The following LRBA variants were observed in gnomAD, a reference collection of about 807,000 sequenced individuals.
LRBA encodes lipopolysaccharide-responsive and beige-like anchor protein.
LRBA carries 176 observed loss-of-function variants against 330.0 expected under a neutral mutation model. That is an observed-to-expected ratio of 0.53 (90% CI 0.47 to 0.60). The LOEUF (loss-of-function observed/expected upper bound fraction) is 0.60. LRBA is among the 20% of genes least tolerant of loss of function. LRBA has a pLI of 0.00. For synonymous variants in LRBA, 1,230 were observed against 1,193.0 expected (o/e 1.03, Z -0.64); for missense variants, 3,259 against 3,444.8 (o/e 0.95, Z 1.35).
At chr4:150,369,081 C>T (rs1739889703) in intron 47 of LRBA, among the ~76,000 whole-genome samples, 1 of 152,054 alleles carries the variant, frequency 6.6e-6, no homozygotes, top group Non-Finnish European at 1.5e-5. Flanking sequence ...TTATAAGACT[C>T]AATATTCCTA....
In LRBA at chr4:150,523,549, C is replaced by T. The variant is rs1369687552; in HGVS notation, c.6331-32514G>A. Among the ~76,000 whole-genome samples, 5 of 152,014 alleles carry T rather than the reference C, an allele frequency of 3.3e-5. No individual in the cohort carries two copies. The South Asian group carries it at 6.2e-4, about 19-fold the overall frequency. On this transcript the variant is annotated intron_variant, in intron 40 of 56. Transcript: ENST00000651943. ...TCTCAGGTATTTTGCTATACCAGCA[C>T]AAACAGACTAAGGCAGGTGAGAAAT...
chr4:150,363,416 T>C (rs1206938941), intron 47 of LRBA, among the ~76,000 whole-genome samples: 2 of 152,210 alleles, frequency 1.3e-5, no homozygotes, highest in African/African-American at 2.4e-5. Context: ...CTACACATAA[T>C]GTTAAATGCT....
At chr4:150,286,066 C>T (rs949184201) in intron 53 of LRBA, 32 bp from the exon 54 acceptor site, 2 of 1,401,372 alleles carry the variant, frequency 1.4e-6, no homozygotes, top group African/African-American at 2.9e-5. Context: ...AAGAACAAAT[C>T]AATTCAATTT....
At chr4:150,369,452 G>T (rs543998552) in intron 47 of LRBA, among the ~76,000 whole-genome samples, 1 of 152,212 alleles carries the variant, frequency 6.6e-6, no homozygotes, top group East Asian at 1.9e-4. Context: ...TGTTCAGAAT[G>T]CTTAGAAATT....
intron 44 of LRBA, among the ~76,000 whole-genome samples, chr4:150,458,088 C>T (rs1389573728): frequency 6.6e-6 from 1 of 151,772 alleles, no homozygotes; most frequent in Non-Finnish European, 1.5e-5. Context: ...TTGGAGGCTG[C>T]TTGAATTAAG....
At chr4:150,883,092 A>G (rs914189764) in intron 17 of LRBA, among the ~76,000 whole-genome samples, 1 of 151,890 alleles carries the variant, frequency 6.6e-6, no homozygotes, top group Non-Finnish European at 1.5e-5. Context: ...CTGTGCTTAC[A>G]CCCCCATTTA....
intron 47 of LRBA, among the ~76,000 whole-genome samples, chr4:150,366,543 T>G (rs986258087): frequency 1.3e-4 from 19 of 150,870 alleles, no homozygotes; most frequent in African/African-American, 4.4e-4. Context: ...CATGGAGGAG[T>G]GGGGGCTGGT....
chr4:150,752,960 C>T (rs890595417), intron 35 of LRBA, among the ~76,000 whole-genome samples: 1 of 152,126 alleles, frequency 6.6e-6, no homozygotes, highest in Admixed American at 6.5e-5. Context: ...AAATGGCTCT[C>T]CTGACTCTCC....
rs1741513936 is a variant in LRBA at position 150,800,871 on chromosome 4, G to A, written c.5519-2729C>T. On this transcript the variant is annotated intron_variant, in intron 33 of 56. Coordinates refer to ENST00000651943, the MANE Select transcript of LRBA (RefSeq NM_001364905.1). ...GGACAAACTCAGGATACCAAGCCAA[G>A]AGTTTTATATCTGCACTAATCTGGA... Among the ~76,000 whole-genome samples, 5 of 152,126 alleles carry A rather than the reference G, an allele frequency of 3.3e-5. No homozygotes were observed. In the South Asian group the frequency reaches 1.0e-3, roughly 32 times the overall value.
chr4:150,981,944 C>A (rs965787998), intron 2 of LRBA, among the ~76,000 whole-genome samples: 11 of 131,820 alleles, frequency 8.3e-5, no homozygotes, highest in East Asian at 2.1e-4. Context: ...GCCAGGGAGA[C>A]AGAGCAAGAC....
At chr4:150,994,902 A>T (rs1742475038) in intron 2 of LRBA, among the ~76,000 whole-genome samples, 1 of 152,232 alleles carries the variant, frequency 6.6e-6, no homozygotes, top group South Asian at 2.1e-4. Flanking sequence ...CACTGAAACC[A>T]GCCTCTCCCC....
chr4:150,846,387 G>A lies in LRBA; in HGVS notation c.4340-1608C>T, dbSNP rs185571718. On this transcript the variant is annotated intron_variant, in intron 26 of 56. Coordinates refer to ENST00000651943, the MANE Select transcript of LRBA (RefSeq NM_001364905.1). ...CTACTAAAAATGCAAAGAATTAGCC[G>A]GGTGTGGTGGGGCACACCTGTAGTC... Among the ~76,000 whole-genome samples the A allele has an allele frequency of 5.3e-5, 8 of 152,040 alleles. No homozygotes were observed. In the East Asian group the frequency reaches 5.8e-4, roughly 11 times the overall value.
chr4:150,636,690 C>T (rs1031692059), intron 37 of LRBA, among the ~76,000 whole-genome samples: 2 of 152,168 alleles, frequency 1.3e-5, no homozygotes, highest in East Asian at 1.9e-4. Context: ...ACTTTATTGC[C>T]CAGCTGGAGT....
At chr4:150,452,782 G>C (rs1487052625) in intron 44 of LRBA, among the ~76,000 whole-genome samples, 1 of 152,148 alleles carries the variant, frequency 6.6e-6, no homozygotes, top group Non-Finnish European at 1.5e-5. Flanking sequence ...AGTGCAGTAA[G>C]TCTTCATTTC....
intron 5 of LRBA, 136 bp from the exon 6 acceptor site, chr4:150,916,874 C>T: frequency 1.5e-6 from 1 of 682,982 alleles, no homozygotes; most frequent in South Asian, 3.2e-5. Flanking sequence ...ATATCTGAGG[C>T]CGGGCGCGGT....
rs962580067 is a variant in LRBA, at chr4:150,281,263, A to C, written c.8316+1187T>G. Among the ~76,000 whole-genome samples the C allele has an allele frequency of 7.9e-5, 12 of 152,206 alleles. 1 individual carries two copies. Among genetic ancestry groups the C allele is most frequent in the African/African-American group, 2.2e-4 (9 of 41,440 alleles). ...TCTGATGTGTACTTGGTTTAAATGC[A>C]GCATTATGGGAAGGTAGGGAAAAAT... On this transcript the variant is annotated intron_variant, in intron 55 of 56. Coordinates refer to ENST00000651943, the MANE Select transcript of LRBA (RefSeq NM_001364905.1).
intron 42 of LRBA, among the ~76,000 whole-genome samples, chr4:150,474,683 T>A (rs1191097846): frequency 6.6e-6 from 1 of 152,186 alleles, no homozygotes; most frequent in African/African-American, 2.4e-5. Context: ...TTTATACTTT[T>A]CATTGTACAA....
intron 17 of LRBA, among the ~76,000 whole-genome samples, chr4:150,876,363 A>G (rs555520919): frequency 4.6e-5 from 7 of 152,300 alleles, no homozygotes; most frequent in African/African-American, 1.7e-4. Flanking sequence ...AATCTAGAGA[A>G]CATCACAAGA....
At chr4:150,520,866 T>C (rs977714111) in intron 40 of LRBA, among the ~76,000 whole-genome samples, 2 of 152,192 alleles carry the variant, frequency 1.3e-5, no homozygotes, top group Non-Finnish European at 2.9e-5. Flanking sequence ...ACCTATTGTA[T>C]ACTATCTTGT....
Sources: gnomAD v4.1 joint callset for allele counts (sites outside exome capture counted in the v4.1 genomes callset) on GRCh38, gnomAD v4.1.1 for gene constraint, MANE v1.5 for transcripts, NCBI Gene and HGNC (gene_info 2026-07-23, HGNC 2026-07-21) for gene names.